The following GNAO1 variants were observed in gnomAD, a reference collection of about 807,000 sequenced individuals.
GNAO1 encodes the protein guanine nucleotide-binding protein G(o) subunit alpha.
For missense variants in GNAO1, 166 were observed against 478.7 expected (o/e 0.35, Z 6.10); for synonymous variants, 164 against 180.7 (o/e 0.91, Z 0.74).
In GNAO1 at chr16:56,192,203, A is replaced by G; in HGVS notation, c.-33A>G. 1.6e-6 allele frequency: 2 copies of G among 1,246,140 alleles called. No individual in the cohort carries two copies. The highest frequency in any genetic ancestry group is 2.3e-6 in the Non-Finnish European group (2 of 863,064). 77.2% of individuals were successfully genotyped at this position (1,246,140 alleles called of 1,614,324 possible). On this transcript the variant is annotated 5_prime_UTR_variant, in exon 1 of 9. Coordinates refer to ENST00000262493, the MANE Select transcript of GNAO1 (RefSeq NM_020988.3). ...CCAAGCCGGGGAGCCGTGCCAGCCG[A>G]GTCGTGCGGGCTGTGGCAGGGAAGG...
intron 4 of GNAO1, among the ~76,000 whole-genome samples, chr16:56,330,479 CA>C (rs11403773): frequency 6.6e-6 from 1 of 151,324 alleles, no homozygotes; most frequent in African/African-American, 2.4e-5. Context: ...AATCCATTAC[CA>C]AAAAAAAATT....
intron 4 of GNAO1, among the ~76,000 whole-genome samples, chr16:56,334,275 C>T (rs764801774): frequency 6.6e-6 from 1 of 152,216 alleles, no homozygotes; most frequent in Non-Finnish European, 1.5e-5. Context: ...CCTCTGGAGC[C>T]AAGGGTCCGG....
At chr16:56,281,977 G>A (rs1348506769) in intron 3 of GNAO1, among the ~76,000 whole-genome samples, 1 of 152,188 alleles carries the variant, frequency 6.6e-6, no homozygotes, top group African/African-American at 2.4e-5. Flanking sequence ...GTAAACAAAT[G>A]GACTAGTAGC....
chr16:56,348,385 T>A (rs2037892699), intron 6 of GNAO1, among the ~76,000 whole-genome samples: 1 of 152,146 alleles, frequency 6.6e-6, no homozygotes, highest in Non-Finnish European at 1.5e-5. Flanking sequence ...AGGATCGCCA[T>A]CTGGTGGGAA....
chr16:56,209,824 A>C (rs991437636), intron 2 of GNAO1, among the ~76,000 whole-genome samples: 1 of 152,072 alleles, frequency 6.6e-6, no homozygotes, highest in African/African-American at 2.4e-5. Context: ...ACACATGCCC[A>C]GCCTCCCCCT....
chr16:56,315,698 C>T (rs1391242893), intron 3 of GNAO1, among the ~76,000 whole-genome samples: 1 of 152,100 alleles, frequency 6.6e-6, no homozygotes, highest in African/African-American at 2.4e-5. Context: ...GCCTTGCTGA[C>T]ATAAAAACCC....
At chr16:56,269,674 AG>A (rs1441850716) in intron 2 of GNAO1, among the ~76,000 whole-genome samples, 1 of 152,154 alleles carries the variant, frequency 6.6e-6, no homozygotes, top group African/African-American at 2.4e-5. Flanking sequence ...GTCCAGTCCC[AG>A]GGCAGGAGCC....
intron 6 of GNAO1, chr16:56,345,134 G>A (rs1203776931): frequency 2.0e-6 from 2 of 985,714 alleles, no homozygotes; most frequent in Non-Finnish European, 2.4e-6. Flanking sequence ...AGCAGAAGGG[G>A]GCGGGGTAGC....
intron 3 of GNAO1, among the ~76,000 whole-genome samples, chr16:56,285,437 G>T (rs1001470209): frequency 7.2e-5 from 11 of 152,134 alleles, no homozygotes; most frequent in African/African-American, 2.7e-4. Flanking sequence ...GCTACACAGG[G>T]GGAACTGACC....
chr16:56,224,548 G>A (rs1206495317), intron 2 of GNAO1, among the ~76,000 whole-genome samples: 1 of 152,198 alleles, frequency 6.6e-6, no homozygotes, highest in Non-Finnish European at 1.5e-5. Flanking sequence ...TGTGATCTCA[G>A]CTCACTGCAG....
chr16:56,228,175 C>T (rs2036550953), intron 2 of GNAO1, among the ~76,000 whole-genome samples: 1 of 152,166 alleles, frequency 6.6e-6, no homozygotes, highest in Admixed American at 6.5e-5. Flanking sequence ...ATCCATCTGC[C>T]TCCGTCTGCA....
At chr16:56,216,150 C>G (rs1427169058) in intron 2 of GNAO1, among the ~76,000 whole-genome samples, 3 of 152,182 alleles carry the variant, frequency 2.0e-5, no homozygotes, top group Non-Finnish European at 2.9e-5. Context: ...GAAACATCAT[C>G]TTGGTTTAGG....
intron 3 of GNAO1, among the ~76,000 whole-genome samples, chr16:56,308,487 G>A (rs1420854858): frequency 2.0e-5 from 3 of 152,190 alleles, no homozygotes; most frequent in Admixed American, 6.5e-5. Context: ...ACCAGGAGGG[G>A]AGTCTAACTG....
rs895157735 is a variant in GNAO1 at position 56,243,823 on chromosome 16, G to C, written c.162-32108G>C. On this transcript the variant is annotated intron_variant, in intron 2 of 8. Coordinates refer to ENST00000262493, the MANE Select transcript of GNAO1 (RefSeq NM_020988.3). The stretch of plus-strand genomic sequence containing the variant: ...GTGTGAATTTTATCTCAGTGAAGCT[G>C]TTGAAAACATTTATTGAGCTCCAGG... Among the ~76,000 whole-genome samples the C allele has an allele frequency of 5.3e-5, 8 of 152,290 alleles. No individual in the cohort carries two copies. The East Asian group carries it at 1.5e-3, about 29-fold the overall frequency.
At chr16:56,239,237 A>G (rs748876289) in intron 2 of GNAO1, among the ~76,000 whole-genome samples, 2 of 152,252 alleles carry the variant, frequency 1.3e-5, no homozygotes, top group East Asian at 3.8e-4. Flanking sequence ...TTCATTGCCA[A>G]GGTAGAGCCT....
At chr16:56,315,680 G>C (rs1222912035) in intron 3 of GNAO1, among the ~76,000 whole-genome samples, 1 of 152,126 alleles carries the variant, frequency 6.6e-6, no homozygotes, top group Admixed American at 6.5e-5. Context: ...CTTTCCTGGT[G>C]GTCAGAAGCC....
In GNAO1 at chr16:56,344,728, C is replaced by T. The variant is rs909926932; in HGVS notation, c.724-6656C>T. 29 of 985,382 alleles carry T rather than the reference C, an allele frequency of 2.9e-5. No homozygotes were observed. The Admixed American group carries it at 5.5e-4, about 19-fold the overall frequency. 61.0% of individuals were successfully genotyped at this position (985,382 alleles called of 1,614,324 possible). A position where few individuals can be genotyped will look rare whatever the true frequency, so the allele number is the denominator to read the frequency against. ...GGGCTGGGGCCTCCCGCCCAGTCCT[C>T]GCAGGCCAAAGGGTGACCCATTTCT... is the stretch of plus-strand genomic sequence containing the variant. On this transcript the variant is annotated intron_variant, in intron 6 of 8. Transcript: ENST00000262493.
At chr16:56,224,849 C>T (rs1383302902) in intron 2 of GNAO1, among the ~76,000 whole-genome samples, 1 of 152,244 alleles carries the variant, frequency 6.6e-6, no homozygotes, top group Non-Finnish European at 1.5e-5. Flanking sequence ...CTAATTTCAT[C>T]TGTAGCCCAT....
chr16:56,303,530 A>G (rs1189677583), intron 3 of GNAO1, among the ~76,000 whole-genome samples: 2 of 152,334 alleles, frequency 1.3e-5, no homozygotes, highest in Admixed American at 1.3e-4. Flanking sequence ...GAGGCTGGGA[A>G]GCACCAGAGC....
Sources: gnomAD v4.1 joint callset for allele counts (sites outside exome capture counted in the v4.1 genomes callset) on GRCh38, gnomAD v4.1.1 for gene constraint, MANE v1.5 for transcripts, NCBI Gene and HGNC (gene_info 2026-07-23, HGNC 2026-07-21) for gene names.